ANKRD28: variants seen among roughly 807,000 people sequenced by gnomAD.
ANKRD28 encodes serine/threonine-protein phosphatase 6 regulatory ankyrin repeat subunit A.
A neutral mutation model predicts 126.5 loss-of-function variants in ANKRD28; 44 were observed. The ratio of observed to expected loss-of-function variants is 0.35; its 90% CI spans 0.27 to 0.45. The LOEUF (loss-of-function observed/expected upper bound fraction) is 0.45, where lower values mean the gene tolerates loss of function less well. Among genes scored for constraint, ANKRD28 ranks in the 20% least tolerant of loss-of-function variants. The pLI, the probability that ANKRD28 is intolerant of heterozygous loss-of-function variation, is 1.00. For synonymous variants in ANKRD28, 442 were observed against 468.5 expected (o/e 0.94, Z 0.73); for missense variants, 1,110 against 1,316.6 (o/e 0.84, Z 2.43).
upstream of ANKRD28, among the ~76,000 whole-genome samples, chr3:15,798,915 T>C (rs2060391106): frequency 6.6e-6 from 1 of 152,158 alleles, no homozygotes; most frequent in South Asian, 2.1e-4. Context: ...ACATAATAGT[T>C]ACTTTTGAAC....
intron 2 of ANKRD28, among the ~76,000 whole-genome samples, chr3:15,783,631 T>C (rs191690911): frequency 6.6e-6 from 1 of 151,822 alleles, no homozygotes; most frequent in African/African-American, 2.4e-5. Context: ...ACGAAAGGAG[T>C]GGATAAACAA....
chr3:15,726,768 C>T (rs1409925642), intron 6 of ANKRD28, among the ~76,000 whole-genome samples: 1 of 152,210 alleles, frequency 6.6e-6, no homozygotes, highest in Admixed American at 6.5e-5. Context: ...ACTTTCGTTG[C>T]TAGAGAGAAA....
At chr3:15,758,909 C>T (rs1018850005) in intron 3 of ANKRD28, among the ~76,000 whole-genome samples, 2 of 152,086 alleles carry the variant, frequency 1.3e-5, no homozygotes, top group South Asian at 2.1e-4. Flanking sequence ...AAAGGCCAAT[C>T]GAATGAATTT....
chr3:15,813,999 A>AT (rs913989510), intron 1 of ANKRD28, among the ~76,000 whole-genome samples: 2 of 152,218 alleles, frequency 1.3e-5, no homozygotes, highest in Non-Finnish European at 2.9e-5. Context: ...TCTTAGATTT[A>AT]TAAGCCCCCT....
At chr3:15,748,358 C>CT (rs779700580) in intron 4 of ANKRD28, among the ~76,000 whole-genome samples, 2 of 152,118 alleles carry the variant, frequency 1.3e-5, no homozygotes, top group African/African-American at 2.4e-5. Context: ...TTTAGAGCTC[C>CT]TTTTAGCAGT....
At chr3:15,687,972 T>C (rs758328784) in intron 18 of ANKRD28, among the ~76,000 whole-genome samples, 3 of 152,232 alleles carry the variant, frequency 2.0e-5, no homozygotes, top group Non-Finnish European at 4.4e-5. Flanking sequence ...TCATGGCTTA[T>C]AGATGCTCTC....
intron 3 of ANKRD28, among the ~76,000 whole-genome samples, chr3:15,758,308 C>T (rs1431203422): frequency 2.0e-5 from 3 of 152,162 alleles, no homozygotes; most frequent in African/African-American, 7.2e-5. Flanking sequence ...GGTTCAGATT[C>T]GGTTTTCAGG....
Position 15,670,110 on chromosome 3 carries a change from C to A in ANKRD28, c.*160G>T. 1 of 767,676 alleles carries A rather than the reference C, an allele frequency of 1.3e-6. No homozygotes were observed. The highest frequency in any genetic ancestry group is 2.2e-5 in the South Asian group (1 of 46,148). The allele number at this position is 767,676 out of a possible 1,614,324, so 47.6% of individuals were successfully genotyped here. A position where few individuals can be genotyped will look rare whatever the true frequency, so the allele number is the denominator to read the frequency against. ...TAGAAGTTCCTTTTGTAAAACTTGC[C>A]TTTAAAACTCTTCCTCCTAATGCCA... On this transcript the variant is annotated 3_prime_UTR_variant, in exon 28 of 28. Transcript: ENST00000683139.
intron 14 of ANKRD28, among the ~76,000 whole-genome samples, chr3:15,700,538 G>A (rs771730167): frequency 5.9e-5 from 9 of 152,042 alleles, no homozygotes; most frequent in Non-Finnish European, 1.2e-4. Context: ...CACTTTGAGA[G>A]GCTGAGGCGG....
At chr3:15,820,584 C>G (rs374061529) in intron 1 of ANKRD28, among the ~76,000 whole-genome samples, 3 of 152,260 alleles carry the variant, frequency 2.0e-5, no homozygotes. Context: ...TAGATCTATT[C>G]TAACAAACTA....
chr3:15,674,089 T>C (rs1228967035), intron 27 of ANKRD28, among the ~76,000 whole-genome samples: 1 of 138,886 alleles, frequency 7.2e-6, no homozygotes, highest in Non-Finnish European at 1.5e-5. Flanking sequence ...AGAGGTTCTC[T>C]TGAGCCCAGG....
chr3:15,774,654 A>T (rs890773803), intron 2 of ANKRD28, among the ~76,000 whole-genome samples: 2 of 152,192 alleles, frequency 1.3e-5, no homozygotes, highest in Non-Finnish European at 2.9e-5. Context: ...ACAAGATATC[A>T]AAAGCATTAA....
rs1198518208 is a variant in ANKRD28 at position 15,768,498 on chromosome 3, G to GTAAA, written c.202-2190_202-2187dup. On this transcript the variant is annotated intron_variant, in intron 2 of 27. Coordinates refer to ENST00000683139, the MANE Select transcript of ANKRD28 (RefSeq NM_001349278.2). ...CTCATCTCTACAAAAAAATAAATAA[G>GTAAA]TAAATAAATTAGCTGGGCTGGTGGC... 6.0e-4 allele frequency among the ~76,000 whole-genome samples: 92 copies of GTAAA among 152,122 alleles called. 1 individual carries two copies. Among genetic ancestry groups the GTAAA allele is most frequent in the Admixed American group, 6.0e-3 (91 of 15,278 alleles).
chr3:15,807,850 G>A (rs2060619481), intron 1 of ANKRD28, among the ~76,000 whole-genome samples: 1 of 152,206 alleles, frequency 6.6e-6, no homozygotes. Context: ...AAGATGAAAT[G>A]TTTCAATATA....
At chr3:15,859,290 G>A (rs1167119579) in intron 1 of ANKRD28, 13 of 1,490,816 alleles carry the variant, frequency 8.7e-6, no homozygotes, top group South Asian at 6.2e-5. Context: ...CCCGCCGAGC[G>A]GGCGTCCCAG....
At chr3:15,807,911 G>T (rs2060621623) in intron 1 of ANKRD28, among the ~76,000 whole-genome samples, 1 of 152,158 alleles carries the variant, frequency 6.6e-6, no homozygotes, top group South Asian at 2.1e-4. Context: ...AATAAGGTTG[G>T]CTACTCATAT....
intron 14 of ANKRD28, among the ~76,000 whole-genome samples, chr3:15,701,609 A>G (rs370259497): frequency 2.0e-5 from 3 of 151,410 alleles, no homozygotes; most frequent in East Asian, 1.9e-4. Flanking sequence ...GCACCATTGC[A>G]CTCCAGCCTG....
intron 27 of ANKRD28, among the ~76,000 whole-genome samples, chr3:15,675,376 A>T (rs1322945977): frequency 1.3e-5 from 2 of 152,208 alleles, no homozygotes; most frequent in Non-Finnish European, 2.9e-5. Context: ...GAAATATGGC[A>T]GTAGCTGGCA....
chr3:15,736,888 A>C lies in ANKRD28; in HGVS notation c.552+145T>G, dbSNP rs542969010. ...ACTACATACATTTCTAAATTTGAGAAAGTTATAAAAGGAGGCAAAATTAGA... is the reference window on the plus strand; with the variant it reads ...ACTACATACATTTCTAAATTTGAGACAGTTATAAAAGGAGGCAAAATTAGA... On this transcript the variant is annotated intron_variant, in intron 5 of 27. Coordinates refer to ENST00000683139, the MANE Select transcript of ANKRD28 (RefSeq NM_001349278.2). 9.2e-5 allele frequency: 73 copies of C among 791,362 alleles called. 1 individual carries two copies. In the Admixed American group the frequency reaches 1.8e-3, roughly 20 times the overall value. 49.0% of individuals were successfully genotyped at this position (791,362 alleles called of 1,614,324 possible). A position where few individuals can be genotyped will look rare whatever the true frequency, so the allele number is the denominator to read the frequency against.
Sources: gnomAD v4.1 joint callset for allele counts (sites outside exome capture counted in the v4.1 genomes callset) on GRCh38, gnomAD v4.1.1 for gene constraint, MANE v1.5 for transcripts, NCBI Gene and HGNC (gene_info 2026-07-23, HGNC 2026-07-21) for gene names.